The following INSL6 variants were observed in gnomAD, a reference collection of about 807,000 sequenced individuals.
INSL6 encodes the protein insulin-like peptide INSL6.
INSL6 carries 16 observed loss-of-function variants against 9.4 expected under a neutral mutation model. The ratio of observed to expected loss-of-function variants is 1.70; its 90% CI spans 1.15 to 2.59. INSL6 has a LOEUF of 2.59. Ranked by LOEUF, INSL6 falls within the 30% of genes most tolerant of loss-of-function variation. The pLI is 0.00. For synonymous variants in INSL6, 154 were observed against 96.9 expected (o/e 1.59, Z -3.46); for missense variants, 391 against 257.3 (o/e 1.52, Z -3.56).
the INSL6 span, among the ~76,000 whole-genome samples, chr9:5,005,749 C>T: frequency 6.6e-6 from 1 of 152,134 alleles, no homozygotes; most frequent in African/African-American, 2.4e-5. Context: ...CTTCCTCAGA[C>T]ATTTGGAAAA....
the INSL6 span, among the ~76,000 whole-genome samples, chr9:5,030,439 G>T: frequency 1.4e-3 from 212 of 152,070 alleles, no homozygotes; most frequent in African/African-American, 5.1e-3. Context: ...AGATACGTTT[G>T]ATTTGTGTCT....
chr9:5,169,753 G>A (rs546534682), intron 1 of INSL6, among the ~76,000 whole-genome samples: 167 of 152,194 alleles, frequency 1.1e-3, no homozygotes, highest in African/African-American at 3.9e-3. Flanking sequence ...TTAAACCAAC[G>A]AAGATAAAAA....
intron 3 of INSL6, chr9:5,131,978 C>A (rs1824301366): frequency 6.6e-6 from 1 of 152,098 alleles, no homozygotes; most frequent in Admixed American, 6.5e-5. Context: ...CAGTGTGAAT[C>A]TCATGGTACC....
chr9:5,104,107 A>T, the INSL6 span, among the ~76,000 whole-genome samples: 1 of 152,284 alleles, frequency 6.6e-6, no homozygotes, highest in South Asian at 2.1e-4. Context: ...ACTCTTCAAA[A>T]AATCAATGAA....
chr9:5,149,495 A>G (rs1289521732), intron 2 of INSL6, among the ~76,000 whole-genome samples: 1 of 152,210 alleles, frequency 6.6e-6, no homozygotes, highest in Non-Finnish European at 1.5e-5. Context: ...CCTATTTGCA[A>G]TAGCTACAAA....
intron 1 of INSL6, among the ~76,000 whole-genome samples, chr9:5,174,363 C>G (rs533884706): frequency 6.6e-6 from 1 of 152,302 alleles, no homozygotes; most frequent in African/African-American, 2.4e-5. Context: ...CATTTCATCA[C>G]TCTACCAAAA....
intron 1 of INSL6, among the ~76,000 whole-genome samples, chr9:5,167,818 C>G (rs1434955241): frequency 1.3e-5 from 2 of 152,198 alleles, no homozygotes; most frequent in East Asian, 3.9e-4. Context: ...CAGGAGTGTT[C>G]TGCTGGCATC....
the INSL6 span, among the ~76,000 whole-genome samples, chr9:5,004,953 G>A: frequency 1.4e-5 from 2 of 142,766 alleles, no homozygotes; most frequent in Non-Finnish European, 3.0e-5. Flanking sequence ...GTCTTGCTCT[G>A]TTGCCTAGGC....
chr9:5,144,642 T>A (rs1002085268), intron 2 of INSL6, among the ~76,000 whole-genome samples: 8 of 152,232 alleles, frequency 5.3e-5, no homozygotes, highest in African/African-American at 1.9e-4. Flanking sequence ...AAGAATTTGC[T>A]TTATGAGGGT....
the INSL6 span, among the ~76,000 whole-genome samples, chr9:5,059,326 C>A: frequency 3.9e-5 from 6 of 152,088 alleles, no homozygotes; most frequent in African/African-American, 1.4e-4. Flanking sequence ...TGTATGTATT[C>A]TTTTAAAATC....
At chr9:5,026,543 A>G in the INSL6 span, among the ~76,000 whole-genome samples, 2 of 152,206 alleles carry the variant, frequency 1.3e-5, no homozygotes, top group Admixed American at 6.5e-5. Context: ...AGAATAAAAT[A>G]CTTTTGTGTT....
At chr9:5,067,301 C>A in the INSL6 span, among the ~76,000 whole-genome samples, 52,152 of 151,802 alleles carry the variant, frequency 0.34, 9,708 homozygotes, top group African/African-American at 0.5. Flanking sequence ...CATGTTTCAA[C>A]GGTAAAACTG....
intron 2 of INSL6, among the ~76,000 whole-genome samples, chr9:5,134,045 C>G (rs1406679839): frequency 6.6e-6 from 1 of 152,104 alleles, no homozygotes; most frequent in Admixed American, 6.5e-5. Context: ...CTTCATGAAG[C>G]ATACACGAGT....
the INSL6 span, chr9:5,078,214 CT>C: frequency 9.6e-7 from 1 of 1,043,030 alleles, no homozygotes; most frequent in Non-Finnish European, 1.4e-6. Context: ...ATGTATTTTT[CT>C]TCTTTAAATC....
At chr9:5,111,228 GC>G in the INSL6 span, 1 of 572,082 alleles carries the variant, frequency 1.7e-6, no homozygotes. Flanking sequence ...GCTAGCGCGG[GC>G]CTATTCCTCC....
chr9:5,106,340 C>A, the INSL6 span, among the ~76,000 whole-genome samples: 1 of 152,218 alleles, frequency 6.6e-6, no homozygotes, highest in South Asian at 2.1e-4. Context: ...ATCAAAACCA[C>A]AATGAGATAC....
chr9:5,080,951 A>G, the INSL6 span, among the ~76,000 whole-genome samples: 1 of 129,022 alleles, frequency 7.8e-6, no homozygotes, highest in Non-Finnish European at 1.5e-5. Flanking sequence ...GCTGGAGTGC[A>G]GTGGCGCGAT....
chr9:5,042,953 C>G, the INSL6 span, among the ~76,000 whole-genome samples: 6 of 152,228 alleles, frequency 3.9e-5, no homozygotes, highest in African/African-American at 1.2e-4. Flanking sequence ...GGCACCTGTT[C>G]CCCGAGGCTG....
intron 3 of INSL6, chr9:5,133,396 G>A (rs1456881418): frequency 2.0e-5 from 3 of 152,004 alleles, no homozygotes; most frequent in African/African-American, 4.8e-5. Flanking sequence ...AAAAAAAATA[G>A]TTTACACATA....
Sources: gnomAD v4.1 joint callset for allele counts (sites outside exome capture counted in the v4.1 genomes callset) on GRCh38, gnomAD v4.1.1 for gene constraint, MANE v1.5 for transcripts, NCBI Gene and HGNC (gene_info 2026-07-23, HGNC 2026-07-21) for gene names.